The following MYO1D variants were observed in gnomAD, a reference collection of about 807,000 sequenced individuals.
The protein encoded by MYO1D is myosin ID, also known as unconventional myosin-Id.
Under a neutral mutation model 122.0 loss-of-function variants are expected in MYO1D, and 83 were observed. That is an observed-to-expected ratio of 0.68 (90% CI 0.57 to 0.82). The LOEUF (loss-of-function observed/expected upper bound fraction) is 0.82, where lower values mean the gene tolerates loss of function less well. Ranked by LOEUF, MYO1D falls within the 40% of genes least tolerant of loss-of-function variation. The probability of loss-of-function intolerance (pLI) is 0.00; values close to 1 mark genes in which losing one functional copy is unlikely to be tolerated. For missense variants in MYO1D, 1,157 were observed against 1,269.5 expected (o/e 0.91, Z 1.35); for synonymous variants, 464 against 446.9 (o/e 1.04, Z -0.48).
At chr17:32,708,643 A>T (rs1439535202) in intron 16 of MYO1D, among the ~76,000 whole-genome samples, 4 of 152,086 alleles carry the variant, frequency 2.6e-5, no homozygotes, top group Non-Finnish European at 5.9e-5. Context: ...TGGCCTGTGG[A>T]GTTGATCCAA....
In MYO1D at chr17:32,514,999, G is replaced by A. The variant is rs184653888; in HGVS notation, c.2865-20084C>T. Among the ~76,000 whole-genome samples, 9 of 152,362 alleles carry A rather than the reference G, an allele frequency of 5.9e-5. No individual in the cohort carries two copies. In the East Asian group the frequency reaches 1.5e-3, roughly 26 times the overall value. ...GTTTCCTTAACTGGGATAATGAACA[G>A]GGATAATGTTCTTTTTTCTAGAGAG... is the stretch of plus-strand genomic sequence containing the variant. On this transcript the variant is annotated intron_variant, in intron 21 of 21. Transcript: ENST00000318217.
intron 19 of MYO1D, among the ~76,000 whole-genome samples, chr17:32,650,161 A>G (rs1299732206): frequency 6.6e-6 from 1 of 152,030 alleles, no homozygotes; most frequent in African/African-American, 2.4e-5. Flanking sequence ...AAAAGTCTTT[A>G]TTTCACTTTG....
At chr17:32,617,861 A>T (rs1235883392) in intron 20 of MYO1D, among the ~76,000 whole-genome samples, 1 of 152,242 alleles carries the variant, frequency 6.6e-6, no homozygotes, top group African/African-American at 2.4e-5. Flanking sequence ...TTCCTTTATA[A>T]ACAGACAGTC....
At chr17:32,870,436 C>A (rs1024279693) in intron 1 of MYO1D, among the ~76,000 whole-genome samples, 1 of 151,922 alleles carries the variant, frequency 6.6e-6, no homozygotes, top group African/African-American at 2.4e-5. Context: ...CTTTGTCCCA[C>A]CAAATTTTCC....
intron 20 of MYO1D, among the ~76,000 whole-genome samples, 197 bp from the exon 21 acceptor site, chr17:32,605,438 C>A (rs1261215459): frequency 6.7e-6 from 1 of 149,914 alleles, no homozygotes; most frequent in Non-Finnish European, 1.5e-5. Context: ...CTAAAAACAA[C>A]AAAACACGTC....
At chr17:32,641,282 T>G (rs947892421) in intron 19 of MYO1D, among the ~76,000 whole-genome samples, 3 of 151,806 alleles carry the variant, frequency 2.0e-5, no homozygotes, top group Non-Finnish European at 2.9e-5. Context: ...TTTTTATGGC[T>G]GCATAGTATT....
chr17:32,629,104 G>C (rs2087968004), intron 20 of MYO1D, among the ~76,000 whole-genome samples: 1 of 152,180 alleles, frequency 6.6e-6, no homozygotes, highest in African/African-American at 2.4e-5. Context: ...CTACTGCTAA[G>C]TGAAAGAAGA....
At chr17:32,768,305 C>T (rs544162878) in intron 6 of MYO1D, among the ~76,000 whole-genome samples, 11 of 152,352 alleles carry the variant, frequency 7.2e-5, no homozygotes, top group Admixed American at 3.3e-4. Context: ...TAACTTCATT[C>T]TTTCACTCAC....
intron 14 of MYO1D, among the ~76,000 whole-genome samples, chr17:32,722,218 A>G (rs1183558893): frequency 6.6e-6 from 1 of 152,180 alleles, no homozygotes; most frequent in Non-Finnish European, 1.5e-5. Context: ...AGGTAATGCC[A>G]TTTTTTGCCT....
At chr17:32,643,354 T>C (rs1180390744) in intron 19 of MYO1D, among the ~76,000 whole-genome samples, 1 of 152,224 alleles carries the variant, frequency 6.6e-6, no homozygotes, top group African/African-American at 2.4e-5. Context: ...TTTGCATCGA[T>C]GTTCATCAGG....
At chr17:32,749,576 C>T (rs943536858) in intron 11 of MYO1D, among the ~76,000 whole-genome samples, 2 of 152,108 alleles carry the variant, frequency 1.3e-5, no homozygotes, top group Admixed American at 6.5e-5. Flanking sequence ...ACTAAAAATA[C>T]AAAAATTAGG....
intron 1 of MYO1D, among the ~76,000 whole-genome samples, chr17:32,822,623 G>T (rs1007710879): frequency 1.3e-5 from 2 of 148,870 alleles, no homozygotes; most frequent in African/African-American, 2.4e-5. Flanking sequence ...TGGCCCGCCG[G>T]CCCCCGTCCC....
At chr17:32,557,290 T>A (rs1012409445) in intron 21 of MYO1D, among the ~76,000 whole-genome samples, 2 of 151,928 alleles carry the variant, frequency 1.3e-5, no homozygotes, top group Non-Finnish European at 2.9e-5. Context: ...GGCTAATTTT[T>A]TTTATTTTTA....
chr17:32,595,831 C>T (rs1316538782), intron 21 of MYO1D, among the ~76,000 whole-genome samples: 1 of 152,092 alleles, frequency 6.6e-6, no homozygotes, highest in East Asian at 1.9e-4. Flanking sequence ...GTGGAGTTGA[C>T]AGCCATGGGG....
At chr17:32,571,777 C>T (rs755737067) in intron 21 of MYO1D, among the ~76,000 whole-genome samples, 24 of 152,044 alleles carry the variant, frequency 1.6e-4, no homozygotes, top group Non-Finnish European at 5.9e-5. Context: ...CTGATTTTGT[C>T]GAGGCAATTA....
chr17:32,629,373 T>TA (rs967082248), intron 20 of MYO1D, among the ~76,000 whole-genome samples: 1 of 151,802 alleles, frequency 6.6e-6, no homozygotes, highest in Non-Finnish European at 1.5e-5. Context: ...GTGGGCAACT[T>TA]AAAAAAAATT....
intron 16 of MYO1D, among the ~76,000 whole-genome samples, chr17:32,711,254 T>C (rs1040736324): frequency 1.3e-5 from 2 of 152,130 alleles, no homozygotes; most frequent in South Asian, 4.1e-4. Flanking sequence ...CTAACGAGCA[T>C]TGAGTCAGCA....
intron 21 of MYO1D, chr17:32,504,769 A>C (rs565025011): frequency 1.3e-5 from 2 of 152,236 alleles, no homozygotes; most frequent in African/African-American, 4.8e-5. Flanking sequence ...AAATCCCCGG[A>C]ATGCTCTGCA....
chr17:32,840,739 T>A (rs1394779677), intron 1 of MYO1D, among the ~76,000 whole-genome samples: 2 of 152,200 alleles, frequency 1.3e-5, no homozygotes, highest in Non-Finnish European at 2.9e-5. Flanking sequence ...TGATTTCATT[T>A]CAAATATAAA....
Sources: gnomAD v4.1 joint callset for allele counts (sites outside exome capture counted in the v4.1 genomes callset) on GRCh38, gnomAD v4.1.1 for gene constraint, MANE v1.5 for transcripts, NCBI Gene and HGNC (gene_info 2026-07-23, HGNC 2026-07-21) for gene names.